Variants in LZTFL1 observed in about 807,000 individuals in gnomAD.
The protein encoded by LZTFL1 is leucine zipper transcription factor-like protein 1.
A neutral mutation model predicts 45.9 loss-of-function variants in LZTFL1; 25 were observed. The ratio of observed to expected loss-of-function variants is 0.54; its 90% CI spans 0.40 to 0.76. LZTFL1 has a LOEUF of 0.76. Among genes scored for constraint, LZTFL1 ranks in the 30% least tolerant of loss-of-function variants. The pLI is 0.00. For synonymous variants in LZTFL1, 93 were observed against 117.4 expected, an observed-to-expected ratio of 0.79 and a Z score of 1.35; for missense variants, 277 against 331.1, an observed-to-expected ratio of 0.84 and a Z score of 1.27.
chr3:45,859,257 T>A (rs1224367082), intron 2 of LZTFL1, among the ~76,000 whole-genome samples: 15 of 152,220 alleles, frequency 9.9e-5, no homozygotes, highest in Non-Finnish European at 2.9e-5. Flanking sequence ...CAGAAGGACA[T>A]CTGACTCTCC....
chr3:45,914,864 A>C (rs1702866052), intron 1 of LZTFL1, among the ~76,000 whole-genome samples: 1 of 152,174 alleles, frequency 6.6e-6, no homozygotes, highest in Non-Finnish European at 1.5e-5. Flanking sequence ...ACCACCCAAC[A>C]GCTGGGTGGC....
Position 45,901,602 on chromosome 3 carries a change from T to C in LZTFL1, c.-215+11518A>G. 2 of 1,614,214 alleles carry C rather than the reference T, an allele frequency of 1.2e-6. No homozygotes were observed. The highest frequency in any genetic ancestry group is 2.2e-5 in the South Asian group (2 of 91,086). On this transcript the variant is annotated intron_variant, in intron 2 of 4. Transcript: ENST00000472635. This position sits in a 1 kb window ranked among gnomAD's most constrained non-coding sequence, Gnocchi z 4.3. ...TGTCTTGTCTCAGTTTCCCTACAAC[T>C]GCATTTTGTTGGTGCAGACCATTGA...
chr3:45,869,077 C>T (rs1176072312), intron 2 of LZTFL1, among the ~76,000 whole-genome samples: 2 of 152,214 alleles, frequency 1.3e-5, no homozygotes, highest in Non-Finnish European at 1.5e-5. Context: ...GAGTGTCCCT[C>T]AGGCTAGCAG....
At chr3:45,883,576 G>A (rs1047792805) in intron 2 of LZTFL1, 14 of 289,162 alleles carry the variant, frequency 4.8e-5, no homozygotes, top group Middle Eastern at 1.0e-3. Context: ...GTTGAATGGC[G>A]TGACAAAGTG....
intron 5 of LZTFL1, chr3:45,832,805 A>G: frequency 2.8e-6 from 1 of 358,512 alleles, no homozygotes; most frequent in Non-Finnish European, 5.1e-6. Context: ...GTCCATCAAT[A>G]AACGCTGTCC....
At chr3:45,832,665 A>C in intron 5 of LZTFL1, 1 of 156,812 alleles carries the variant, frequency 6.4e-6, no homozygotes, top group Non-Finnish European at 1.4e-5. Context: ...GGGTTCAAGC[A>C]ATTCTCCTGC....
chr3:45,876,852 A>G (rs185422748), intron 2 of LZTFL1, among the ~76,000 whole-genome samples: 1 of 152,248 alleles, frequency 6.6e-6, no homozygotes, highest in East Asian at 1.9e-4. Flanking sequence ...AATGAGCTAA[A>G]TCTTTGAGAT....
chr3:45,879,650 A>G (rs527551226), intron 2 of LZTFL1, among the ~76,000 whole-genome samples: 1 of 152,312 alleles, frequency 6.6e-6, no homozygotes, highest in African/African-American at 2.4e-5. Flanking sequence ...AAAGTAAACT[A>G]CTTTGGGTGA....
chr3:45,868,022 T>TAA (rs1701606265), intron 2 of LZTFL1, among the ~76,000 whole-genome samples: 2 of 147,886 alleles, frequency 1.4e-5, no homozygotes, highest in African/African-American at 2.5e-5. Context: ...TATATATATA[T>TAA]AATGGAAAAT....
intron 3 of LZTFL1, among the ~76,000 whole-genome samples, chr3:45,856,827 T>C (rs1701401273): frequency 6.6e-6 from 1 of 152,162 alleles, no homozygotes; most frequent in African/African-American, 2.4e-5. Flanking sequence ...TGAGATACCA[T>C]CTCATGCCAG....
At chr3:45,853,992 A>G (rs987680638) in intron 4 of LZTFL1, among the ~76,000 whole-genome samples, 1 of 152,164 alleles carries the variant, frequency 6.6e-6, no homozygotes, top group Non-Finnish European at 1.5e-5. Flanking sequence ...AAGCCATCAA[A>G]TGAGCTGATG....
In LZTFL1 at chr3:45,827,408, T is replaced by A; in HGVS notation, c.829A>T (p.Ile277Phe). 1 of 1,614,080 alleles carries A rather than the reference T, an allele frequency of 6.2e-7. No individual in the cohort carries two copies. Among genetic ancestry groups the A allele is most frequent in the Non-Finnish European group, 8.5e-7 (1 of 1,179,954 alleles). The part of the protein sequence containing the change: ...QTAAYRNMKE[I>F]LTKKNDQIKD... ...ATTTGGTCATTCTTCTTGGTAAGAA[T>A]CTCTTTCATGTTTCGATAAGCTGCT... The change falls in exon 9 of 10, where the codon ATT becomes TTT. Residue 277 changes from isoleucine (I) to phenylalanine (F), a missense_variant. Coordinates refer to ENST00000296135, the MANE Select transcript of LZTFL1 (RefSeq NM_020347.4).
At position 45,837,999 on chromosome 3, in the gene LZTFL1, C is replaced by T. The variant is rs537401357; in HGVS notation, c.56G>A (p.Arg19His). ...CAAGCCTCTCTTTGAACGAGCAAAACGCATATAATTAATAACTTCATTTTG... is the reference window on the plus strand; with the variant it reads ...CAAGCCTCTCTTTGAACGAGCAAAATGCATATAATTAATAACTTCATTTTG... Reference protein sequence around the residue: ...HHQNEVINYMRFARSKRGLRL... With the variant: ...HHQNEVINYMHFARSKRGLRL... Residue 19 changes from arginine to histidine, a missense_variant, in exon 2 of 10, where the codon CGT becomes CAT. Physicochemically the swap from Arg to His is conservative, Grantham distance 29. Coordinates refer to ENST00000296135, the MANE Select transcript of LZTFL1 (RefSeq NM_020347.4). 35 of 1,613,222 alleles carry T rather than the reference C, an allele frequency of 2.2e-5. No homozygotes were observed. Among genetic ancestry groups the T allele is most frequent in the African/African-American group, 1.3e-4 (10 of 74,870 alleles).
At chr3:45,841,219 T>C (rs1393823894) in intron 1 of LZTFL1, among the ~76,000 whole-genome samples, 4 of 152,214 alleles carry the variant, frequency 2.6e-5, no homozygotes, top group Non-Finnish European at 4.4e-5. Context: ...GTGGACTAAA[T>C]AGAAATTCTG....
At chr3:45,915,424 G>A in exon 1 of LZTFL1, 3 of 441,720 alleles carry the variant, frequency 6.8e-6, no homozygotes, top group South Asian at 4.8e-5. Flanking sequence ...CACTGACCTG[G>A]AAGACGGACG....
At chr3:45,833,392 T>C (rs545995671) in intron 4 of LZTFL1, among the ~76,000 whole-genome samples, 8 of 151,698 alleles carry the variant, frequency 5.3e-5, no homozygotes, top group Non-Finnish European at 1.2e-4. Context: ...AGAAGGAAAA[T>C]GAGGGAAGAA....
intron 1 of LZTFL1, chr3:45,913,195 T>C: frequency 6.7e-7 from 1 of 1,494,634 alleles, no homozygotes; most frequent in Non-Finnish European, 9.0e-7. Flanking sequence ...ATTATACAAT[T>C]ACACAAATTA....
At chr3:45,835,559 T>C (rs758522405) in intron 3 of LZTFL1, 31 bp downstream of exon 3, 3 of 1,590,010 alleles carry the variant, frequency 1.9e-6, no homozygotes, top group Non-Finnish European at 1.7e-6. Flanking sequence ...TGGGCCATTA[T>C]TGTCACAGTT....
At chr3:45,827,330 C>T in intron 9 of LZTFL1, 26 bp downstream of exon 9, 1 of 1,502,940 alleles carries the variant, frequency 6.7e-7, no homozygotes, top group Non-Finnish European at 9.3e-7. Context: ...AGAGAGAAAT[C>T]CAAAGGCGGG....
Sources: gnomAD v4.1 joint callset for allele counts (sites outside exome capture counted in the v4.1 genomes callset) on GRCh38, gnomAD v4.1.1 for gene constraint, Gnocchi (gnomAD v3.1) non-coding constraint, MANE v1.5 for transcripts, NCBI Gene and HGNC (gene_info 2026-07-23, HGNC 2026-07-21) for gene names.